The following CFAP20DC variants were observed in gnomAD, a reference collection of about 807,000 sequenced individuals.
The protein encoded by CFAP20DC is protein CFAP20DC.
CFAP20DC carries 84 observed loss-of-function variants against 101.7 expected under a neutral mutation model. That is an observed-to-expected ratio of 0.83 (90% CI 0.69 to 0.99). The LOEUF (loss-of-function observed/expected upper bound fraction) is 0.99, where lower values mean the gene tolerates loss of function less well. Among genes scored for constraint, CFAP20DC ranks in the 50% least tolerant of loss-of-function variants. The pLI is 0.00. For missense variants in CFAP20DC, 1,007 were observed against 970.3 expected (o/e 1.04, Z -0.50); for synonymous variants, 359 against 351.2 (o/e 1.02, Z -0.25).
Position 58,863,592 on chromosome 3 carries a change from T to C in CFAP20DC, c.1559A>G (p.Glu520Gly). 6.2e-7 allele frequency: 1 copy of C among 1,614,178 alleles called. No homozygotes were observed. The highest frequency in any genetic ancestry group is 1.1e-5 in the South Asian group (1 of 91,086). Residue 520 changes from glutamate (E) to glycine (G), a missense_variant, in exon 12 of 17, where the codon GAG becomes GGG. Coordinates refer to ENST00000482387, the MANE Select transcript of CFAP20DC (RefSeq NM_001394063.1). This position sits in a 1 kb window ranked among gnomAD's most constrained non-coding sequence, Gnocchi z 5.9. ...GCTGTCGCCGCCGTAAAAATCATCCTCTGATTGGGTGTCTCTGCTTGTCAC... is the reference window on the plus strand; with the variant it reads ...GCTGTCGCCGCCGTAAAAATCATCCCCTGATTGGGTGTCTCTGCTTGTCAC... ...NSVTSRDTQSEDDFYGGDSSE... is the reference protein window; with the variant it reads ...NSVTSRDTQSGDDFYGGDSSE...
chr3:58,765,847 T>C (rs1483131081), intron 15 of CFAP20DC, among the ~76,000 whole-genome samples: 3 of 152,234 alleles, frequency 2.0e-5, no homozygotes, highest in Non-Finnish European at 4.4e-5. Flanking sequence ...AAATCTTTTA[T>C]GGCCAGAGAA....
chr3:58,942,689 G>A (rs886269391), intron 4 of CFAP20DC, among the ~76,000 whole-genome samples: 2 of 152,068 alleles, frequency 1.3e-5, no homozygotes, highest in Non-Finnish European at 2.9e-5. Flanking sequence ...GTCTTTTTTC[G>A]TACCCTAGTG....
At chr3:58,865,961 T>C (rs1448648514) in intron 11 of CFAP20DC, among the ~76,000 whole-genome samples, 2 of 152,192 alleles carry the variant, frequency 1.3e-5, no homozygotes, top group Admixed American at 1.3e-4. Context: ...TAGAAAAATA[T>C]GTAAATTACT....
chr3:58,815,701 A>G (rs1575734340), intron 14 of CFAP20DC, among the ~76,000 whole-genome samples: 1 of 149,840 alleles, frequency 6.7e-6, no homozygotes, highest in South Asian at 2.1e-4. Context: ...TGGGCGAAGG[A>G]CATGAACAGA....
chr3:58,804,176 C>A (rs1204215661), intron 15 of CFAP20DC, among the ~76,000 whole-genome samples: 1 of 152,134 alleles, frequency 6.6e-6, no homozygotes, highest in Non-Finnish European at 1.5e-5. Context: ...CAACTCCTTT[C>A]TTTTACACAT....
intron 15 of CFAP20DC, among the ~76,000 whole-genome samples, chr3:58,768,130 A>C (rs2070490824): frequency 6.6e-6 from 1 of 152,160 alleles, no homozygotes. Flanking sequence ...TTTCTGGAGC[A>C]GATTGGTCCA....
At chr3:58,890,791 G>A (rs1039730912) in intron 6 of CFAP20DC, among the ~76,000 whole-genome samples, 40 of 148,596 alleles carry the variant, frequency 2.7e-4, no homozygotes, top group East Asian at 2.4e-3. Flanking sequence ...CAGATGGGGC[G>A]GCGGGGCAGA....
chr3:58,899,731 G>C lies in CFAP20DC; in HGVS notation c.550+13977C>G, dbSNP rs1271199399. Among the ~76,000 whole-genome samples the C allele has an allele frequency of 6.6e-6, 1 of 152,144 alleles. No individual in the cohort carries two copies. Among genetic ancestry groups the C allele is most frequent in the Non-Finnish European group, 1.5e-5 (1 of 68,030 alleles). ...TTCCCTTGGCTGGGGTGGGGGGACT[G>C]TTGGCTTCATGCCACTCCCGGATGG... On this transcript the variant is annotated intron_variant, in intron 6 of 16. Transcript: ENST00000482387. The surrounding 1 kb of genome is among the most constrained non-coding windows in gnomAD (Gnocchi z 5.0).
intron 15 of CFAP20DC, among the ~76,000 whole-genome samples, chr3:58,760,360 C>T (rs1165177875): frequency 2.0e-5 from 3 of 152,166 alleles, no homozygotes; most frequent in Admixed American, 1.3e-4. Flanking sequence ...TATAAGAATG[C>T]TTGTGATTTT....
At chr3:58,996,269 T>C (rs190872507) in intron 4 of CFAP20DC, among the ~76,000 whole-genome samples, 45 of 152,294 alleles carry the variant, frequency 3.0e-4, no homozygotes, top group Non-Finnish European at 5.9e-4. Context: ...GATGCTAATA[T>C]GGTAGCAAAA....
intron 6 of CFAP20DC, among the ~76,000 whole-genome samples, chr3:58,890,667 A>G (rs2082134395): frequency 7.0e-6 from 1 of 142,192 alleles, no homozygotes; most frequent in Non-Finnish European, 1.5e-5. Flanking sequence ...CTCTTTTCAG[A>G]CGGGGTGGTT....
intron 5 of CFAP20DC, among the ~76,000 whole-genome samples, chr3:58,920,269 T>C (rs1271459187): frequency 6.6e-6 from 1 of 151,900 alleles, no homozygotes; most frequent in East Asian, 1.9e-4. Flanking sequence ...TTTAAAAAAT[T>C]ATTTGTAGAG....
intron 5 of CFAP20DC, among the ~76,000 whole-genome samples, chr3:58,931,241 G>A (rs2086629946): frequency 6.6e-6 from 1 of 152,094 alleles, no homozygotes; most frequent in Non-Finnish European, 1.5e-5. Flanking sequence ...CATTGCCCAG[G>A]CTTGCTTAGG....
intron 5 of CFAP20DC, among the ~76,000 whole-genome samples, chr3:58,934,191 C>T (rs981313096): frequency 5.9e-5 from 9 of 152,116 alleles, no homozygotes; most frequent in Admixed American, 3.9e-4. Flanking sequence ...ATAAATTCCT[C>T]GACACATACA....
chr3:59,018,859 C>T (rs892771911), intron 4 of CFAP20DC: 2 of 152,034 alleles, frequency 1.3e-5, no homozygotes, highest in Non-Finnish European at 2.9e-5. Flanking sequence ...AGTAAATATA[C>T]ACTGAAGTGT....
At chr3:58,736,018 G>C (rs966449127) in intron 3 of CFAP20DC, among the ~76,000 whole-genome samples, 2 of 152,048 alleles carry the variant, frequency 1.3e-5, no homozygotes, top group African/African-American at 4.8e-5. Flanking sequence ...TGATGTTCTT[G>C]AGAAGTACCT....
intron 13 of CFAP20DC, among the ~76,000 whole-genome samples, chr3:58,834,270 T>C (rs1348331667): frequency 1.3e-5 from 2 of 152,204 alleles, no homozygotes; most frequent in African/African-American, 4.8e-5. Context: ...TGCTTGACTT[T>C]AGCTGCAGCA....
chr3:58,886,975 T>C (rs981056262), intron 6 of CFAP20DC, among the ~76,000 whole-genome samples: 2 of 152,174 alleles, frequency 1.3e-5, no homozygotes, highest in African/African-American at 4.8e-5. Context: ...TTATGTACAA[T>C]TCTCACAATT....
chr3:58,866,497 G>T, intron 11 of CFAP20DC, 69 bp downstream of exon 11: 2 of 1,315,588 alleles, frequency 1.5e-6, no homozygotes, highest in South Asian at 1.6e-5. Flanking sequence ...AAAATGACTG[G>T]ATTTGAAATA....
Sources: gnomAD v4.1 joint callset for allele counts (sites outside exome capture counted in the v4.1 genomes callset) on GRCh38, gnomAD v4.1.1 for gene constraint, Gnocchi (gnomAD v3.1) non-coding constraint, MANE v1.5 for transcripts, NCBI Gene and HGNC (gene_info 2026-07-23, HGNC 2026-07-21) for gene names.